RPS6KA3: variants seen among roughly 807,000 people sequenced by gnomAD.
RPS6KA3 encodes ribosomal protein S6 kinase A3, also known as ribosomal protein S6 kinase alpha-3.
Under a neutral mutation model 67.2 loss-of-function variants are expected in RPS6KA3, and 4 were observed. The observed-to-expected ratio is 0.06, with a 90% confidence interval of 0.03 to 0.14. The LOEUF (loss-of-function observed/expected upper bound fraction) is 0.14. RPS6KA3 is among the 10% of genes least tolerant of loss of function. The pLI is 1.00. For missense variants in RPS6KA3, 204 were observed against 559.0 expected (o/e 0.36, Z 6.40); for synonymous variants, 182 against 183.7 (o/e 0.99, Z 0.07).
chrX:20,149,986 A>G lies in RPS6KA3; in HGVS notation c.*5412T>C, dbSNP rs1356241648. ...ACAAAACCTGTTCTATGACAGGAAT[A>G]CAAGCAATATTGTTCCAGGATTATT... On this transcript the variant is annotated 3_prime_UTR_variant, in exon 22 of 22. Transcript: ENST00000379565. 8.8e-6 allele frequency: 1 copy of G among 113,236 alleles called. No homozygotes were observed. Among genetic ancestry groups the G allele is most frequent in the East Asian group, 2.7e-4 (1 of 3,648 alleles). The allele number at this position is 113,236 out of a possible 1,213,427, so 9.3% of individuals were successfully genotyped here.
At chrX:20,211,942 G>A (rs1450344597) in intron 2 of RPS6KA3, among the ~76,000 whole-genome samples, 2 of 111,157 alleles carry the variant, frequency 1.8e-5, no homozygotes, top group African/African-American at 6.6e-5. Context: ...GATTTATCAG[G>A]TTACAGTATT....
intron 1 of RPS6KA3, among the ~76,000 whole-genome samples, chrX:20,247,927 C>G (rs1291305452): frequency 2.7e-5 from 3 of 110,963 alleles, no homozygotes; most frequent in Non-Finnish European, 5.7e-5. Context: ...ATTAAAGAAC[C>G]ATAGCTTTTT....
In RPS6KA3 at chrX:20,204,077, G is replaced by A; in HGVS notation, c.270C>T (p.Gly90=). The change falls in exon 4 of 22, where the codon GGC becomes GGT. Residue 90 remains glycine, a synonymous_variant. Transcript: ENST00000379565. ...TGGCATAAAGCTGCCTAGCATCAGA[G>A]CCTGAGATTTTTTTAACTAAGAAAA... ...GKVFLVKKIS[G]SDARQLYAMK... The A allele has an allele frequency of 2.5e-6, 3 of 1,204,122 alleles. No individual in the cohort carries two copies. The highest frequency in any genetic ancestry group is 3.4e-6 in the Non-Finnish European group (3 of 888,686).
At chrX:20,229,203 G>C (rs1421270374) in intron 2 of RPS6KA3, among the ~76,000 whole-genome samples, 2 of 109,898 alleles carry the variant, frequency 1.8e-5, no homozygotes, top group African/African-American at 6.8e-5. Context: ...AGGTCATTAA[G>C]GGACCCAGAT....
At chrX:20,162,204 T>C (rs1009313051) in intron 19 of RPS6KA3, among the ~76,000 whole-genome samples, 2 of 108,208 alleles carry the variant, frequency 1.8e-5, no homozygotes, top group East Asian at 2.9e-4. Context: ...GGAGTGATAG[T>C]GCGTGCCTGT....
intron 1 of RPS6KA3, among the ~76,000 whole-genome samples, chrX:20,251,568 ATT>A (rs1569272885): frequency 8.8e-6 from 1 of 113,001 alleles, no homozygotes; most frequent in Non-Finnish European, 1.9e-5. Flanking sequence ...GTAACAGTTC[ATT>A]TCTCTCTAAC....
At position 20,155,202 on chromosome X, in the gene RPS6KA3, C is replaced by T. The variant is rs1300173660; in HGVS notation, c.*196G>A. On this transcript the variant is annotated 3_prime_UTR_variant, in exon 22 of 22. Transcript: ENST00000379565. ...TTCCATTTTCATTTCTTCCGAAGCT[C>T]CAGGAAAATCTAACTTGCTAACAAT... is the stretch of plus-strand genomic sequence containing the variant. 1 of 488,138 alleles carries T rather than the reference C, an allele frequency of 2.0e-6. No individual in the cohort carries two copies. The highest frequency in any genetic ancestry group is 3.1e-5 in the Admixed American group (1 of 31,975). 40.2% of individuals were successfully genotyped at this position (488,138 alleles called of 1,213,427 possible).
At chrX:20,251,335 T>A (rs893221635) in intron 1 of RPS6KA3, among the ~76,000 whole-genome samples, 8 of 112,307 alleles carry the variant, frequency 7.1e-5, no homozygotes, top group African/African-American at 2.3e-4. Flanking sequence ...AGAAATGGGG[T>A]CTTGCCATGT....
chrX:20,194,456 T>C (rs774374642), intron 5 of RPS6KA3, among the ~76,000 whole-genome samples, 188 bp from the exon 6 acceptor site: 5 of 111,839 alleles, frequency 4.5e-5, no homozygotes, highest in Non-Finnish European at 9.4e-5. Context: ...TTTCTTATTA[T>C]GGAATCACTA....
In RPS6KA3 at chrX:20,153,554, A is replaced by G. The variant is rs1272310798; in HGVS notation, c.*1844T>C. ...AATTTAAAGCTTCTGTGGCAGGAAAAAAGGTTTCTGATATAAATGGCTTAT... is the reference window on the plus strand; with the variant it reads ...AATTTAAAGCTTCTGTGGCAGGAAAGAAGGTTTCTGATATAAATGGCTTAT... On this transcript the variant is annotated 3_prime_UTR_variant, in exon 22 of 22. Transcript: ENST00000379565. 9.0e-6 allele frequency: 1 copy of G among 111,383 alleles called. No homozygotes were observed. The allele number at this position is 111,383 out of a possible 1,213,427, so 9.2% of individuals were successfully genotyped here.
chrX:20,162,335 CAAAA>C (rs75392752), intron 19 of RPS6KA3, among the ~76,000 whole-genome samples: 1 of 36,644 alleles, frequency 2.7e-5, no homozygotes, highest in Non-Finnish European at 5.2e-5. Flanking sequence ...GACTCCGTCT[CAAAA>C]AAAAAAAAAA....
intron 2 of RPS6KA3, among the ~76,000 whole-genome samples, chrX:20,230,266 T>C (rs1921505963): frequency 8.9e-6 from 1 of 111,791 alleles, no homozygotes; most frequent in African/African-American, 3.3e-5. Context: ...CAATTCACAG[T>C]TTAGTAGGGA....
intron 2 of RPS6KA3, among the ~76,000 whole-genome samples, chrX:20,219,368 G>C (rs2068934921): frequency 8.9e-6 from 1 of 111,873 alleles, no homozygotes. Flanking sequence ...ACACAGGCAT[G>C]TCATGGGTGT....
At chrX:20,172,670 G>T in intron 15 of RPS6KA3, 76 bp downstream of exon 15, 1 of 882,050 alleles carries the variant, frequency 1.1e-6, no homozygotes, top group South Asian at 2.2e-5. Flanking sequence ...ACAACAAGGG[G>T]AGTGTAATTT....
chrX:20,190,918 C>T (rs750826348), intron 7 of RPS6KA3, among the ~76,000 whole-genome samples: 2 of 107,920 alleles, frequency 1.9e-5, no homozygotes, highest in African/African-American at 6.8e-5. Flanking sequence ...ATGTGCAGAA[C>T]GTGCAGGTTT....
intron 2 of RPS6KA3, among the ~76,000 whole-genome samples, chrX:20,231,199 C>T (rs2069254996): frequency 9.0e-6 from 1 of 111,344 alleles, no homozygotes; most frequent in Admixed American, 9.5e-5. Flanking sequence ...TTCAAGCGAA[C>T]CTCTTGCCTC....
At chrX:20,171,282 G>A (rs1341677503) in intron 15 of RPS6KA3, among the ~76,000 whole-genome samples, 1 of 111,761 alleles carries the variant, frequency 8.9e-6, no homozygotes. Flanking sequence ...CCCAAGTCCT[G>A]TGTTATTCAA....
At chrX:20,185,860 C>T (rs775570204) in intron 10 of RPS6KA3, among the ~76,000 whole-genome samples, 4 of 111,930 alleles carry the variant, frequency 3.6e-5, no homozygotes, top group Non-Finnish European at 5.6e-5. Context: ...ATTCAAACCA[C>T]GTAATATTGA....
At chrX:20,195,910 T>C (rs2068261908) in intron 4 of RPS6KA3, among the ~76,000 whole-genome samples, 1 of 112,192 alleles carries the variant, frequency 8.9e-6, no homozygotes, top group African/African-American at 3.2e-5. Flanking sequence ...GAGCCTGGTA[T>C]GTATGAGATA....
Sources: allele counts gnomAD v4.1 joint callset (sites outside exome capture counted in the v4.1 genomes callset), GRCh38; gene constraint gnomAD v4.1.1; transcripts MANE v1.5; gene names NCBI Gene and HGNC (gene_info 2026-07-23, HGNC 2026-07-21).